HTR6: variants seen among roughly 807,000 people sequenced by gnomAD.
HTR6 encodes 5-hydroxytryptamine receptor 6.
In HTR6, 15 loss-of-function variants were observed where a neutral mutation model predicts 17.4. The ratio of observed to expected loss-of-function variants is 0.86; its 90% CI spans 0.58 to 1.33. HTR6 has a LOEUF of 1.33. Ranked by LOEUF, HTR6 falls within the 40% of genes most tolerant of loss-of-function variation. The pLI, the probability that HTR6 is intolerant of heterozygous loss-of-function variation, is 0.00. For missense variants in HTR6, 578 were observed against 616.0 expected (o/e 0.94, Z 0.65); for synonymous variants, 326 against 295.5 (o/e 1.10, Z -1.06).
In HTR6 at chr1:19,678,914, C is replaced by A. The variant is rs201812903; in HGVS notation, c.874-5C>A. On this transcript the variant is annotated splice_region_variant and splice_polypyrimidine_tract_variant and intron_variant, in intron 2 of 2. Coordinates refer to ENST00000289753, the MANE Select transcript of HTR6 (RefSeq NM_000871.3). ...GACCAGGCATGATGCATCCCCTCCC[C>A]CCAGGCCGTGTGCGACTGCATCTCC... is the stretch of plus-strand genomic sequence containing the variant. The A allele has an allele frequency of 7.7e-5, 123 of 1,589,790 alleles. No homozygotes were observed. The highest frequency in any genetic ancestry group is 2.9e-4 in the East Asian group (13 of 44,484).
Position 19,679,361 on chromosome 1 carries a change from C to A in HTR6, c.1316C>A (p.Thr439Lys), listed in dbSNP as rs61733142. Residue 439 changes from threonine (T) to lysine (K), a missense_variant, in exon 3 of 3, where the codon ACG becomes AAG. Thr to Lys is a moderately conservative substitution (Grantham distance 78). Coordinates refer to ENST00000289753, the MANE Select transcript of HTR6 (RefSeq NM_000871.3). The surrounding 1 kb of genome is among the most constrained non-coding windows in gnomAD (Gnocchi z 4.9). ...ELRPHPLGIP[T>K]N ...CGGCCGCATCCACTTGGCATCCCCA[C>A]GAACTGACCCGGGCTTGGGGCTGGC... 1.9e-6 allele frequency: 3 copies of A among 1,586,882 alleles called. No individual in the cohort carries two copies. The highest frequency in any genetic ancestry group is 1.7e-5 in the Admixed American group (1 of 58,964).
intron 1 of HTR6, among the ~76,000 whole-genome samples, chr1:19,673,753 C>T (rs2095091011): frequency 6.6e-6 from 1 of 152,014 alleles, no homozygotes; most frequent in Admixed American, 6.6e-5. Context: ...TACATAAATA[C>T]ACTTTAAAAA....
chr1:19,680,437 C>A lies in HTR6; in HGVS notation c.*1069C>A, dbSNP rs1334469412. On this transcript the variant is annotated 3_prime_UTR_variant, in exon 3 of 3. Coordinates refer to ENST00000289753, the MANE Select transcript of HTR6 (RefSeq NM_000871.3). Reference sequence around the variant, plus strand: ...TCCCAGCTCCCAAGCTGCTGCCCTGCCTTTCCTGGGGGCAAAAGGGGCAGG... The same window carrying A: ...TCCCAGCTCCCAAGCTGCTGCCCTGACTTTCCTGGGGGCAAAAGGGGCAGG... Among the ~76,000 whole-genome samples, 1 of 152,230 alleles carries A rather than the reference C, an allele frequency of 6.6e-6. No homozygotes were observed. The highest frequency in any genetic ancestry group is 1.5e-5 in the Non-Finnish European group (1 of 68,036).
In HTR6 at chr1:19,665,841, G is replaced by C; in HGVS notation, c.88G>C (p.Ala30Pro). 2.5e-6 allele frequency: 4 copies of C among 1,568,808 alleles called. No individual in the cohort carries two copies. The highest frequency in any genetic ancestry group is 3.5e-6 in the Non-Finnish European group (4 of 1,158,658). The change falls in exon 1 of 3, where the codon GCG (alanine) becomes CCG (proline). Residue 30 changes from alanine to proline, a missense_variant. By Grantham distance (27) the Ala-to-Pro change is conservative. Coordinates refer to ENST00000289753, the MANE Select transcript of HTR6 (RefSeq NM_000871.3). This position sits in a 1 kb window ranked among gnomAD's most constrained non-coding sequence, Gnocchi z 4.2. ...GGCCCCGGGGGGCAGCGGCTGGGTG[G>C]CGGCCGCGCTGTGCGTGGTCATCGC... ...PSAPGGSGWV[A>P]AALCVVIALT...
Position 19,679,357 on chromosome 1 carries a change from C to T in HTR6, c.1312C>T (p.Pro438Ser). ...GCTGCGGCCGCATCCACTTGGCATC[C>T]CCACGAACTGACCCGGGCTTGGGGC... ...PELRPHPLGI[P>S]TN Residue 438 changes from proline (P) to serine (S), a missense_variant, in exon 3 of 3, where the codon CCC (proline) becomes TCC (serine). By Grantham distance (74) the Pro-to-Ser change is moderately conservative (BLOSUM62 -1). Coordinates refer to ENST00000289753, the MANE Select transcript of HTR6 (RefSeq NM_000871.3). The surrounding 1 kb of genome is among the most constrained non-coding windows in gnomAD (Gnocchi z 4.9). 1 of 1,590,676 alleles carries T rather than the reference C, an allele frequency of 6.3e-7. No homozygotes were observed. The highest frequency in any genetic ancestry group is 8.6e-7 in the Non-Finnish European group (1 of 1,166,652).
At chr1:19,676,205 G>T (rs756937592) in intron 1 of HTR6, among the ~76,000 whole-genome samples, 1 of 152,182 alleles carries the variant, frequency 6.6e-6, no homozygotes, top group Non-Finnish European at 1.5e-5. Flanking sequence ...CTCTGTGCAT[G>T]CATTTATTAT....
At position 19,666,794 on chromosome 1, in the gene HTR6, A is replaced by G. The variant is rs1223058103; in HGVS notation, c.714+327A>G. Among the ~76,000 whole-genome samples, 2 of 151,724 alleles carry G rather than the reference A, an allele frequency of 1.3e-5. No homozygotes were observed. The highest frequency in any genetic ancestry group is 4.8e-5 in the African/African-American group (2 of 41,290). ...CGGCATCACATGCCAGGAACTTAGGAATACTTTTCTCCCTCACCCTCATGC... is the reference window on the plus strand; with the variant it reads ...CGGCATCACATGCCAGGAACTTAGGGATACTTTTCTCCCTCACCCTCATGC... On this transcript the variant is annotated intron_variant, in intron 1 of 2. Transcript: ENST00000289753. The surrounding 1 kb of genome is among the most constrained non-coding windows in gnomAD (Gnocchi z 4.5).
intron 1 of HTR6, among the ~76,000 whole-genome samples, chr1:19,670,902 G>T (rs1174850828): frequency 6.6e-6 from 1 of 152,156 alleles, no homozygotes; most frequent in Non-Finnish European, 1.5e-5. Flanking sequence ...TTGTGCGGTT[G>T]CCTGTTTTCT....
rs2095082233 is a variant in HTR6 at position 19,666,797 on chromosome 1, A to G, written c.714+330A>G. Among the ~76,000 whole-genome samples, 1 of 151,774 alleles carries G rather than the reference A, an allele frequency of 6.6e-6. No homozygotes were observed. Among genetic ancestry groups the G allele is most frequent in the Non-Finnish European group, 1.5e-5 (1 of 67,964 alleles). ...CATCACATGCCAGGAACTTAGGAAT[A>G]CTTTTCTCCCTCACCCTCATGCCAT... On this transcript the variant is annotated intron_variant, in intron 1 of 2. Transcript: ENST00000289753. This position sits in a 1 kb window ranked among gnomAD's most constrained non-coding sequence, Gnocchi z 4.5.
rs11801555 is a variant in HTR6 at position 19,680,103 on chromosome 1, G to A, written c.*735G>A. ...CTGACACGAGTTATTTAACCTCTCCGAGCCTCGGTTATCCCATGTGTAAGG... is the reference window on the plus strand; with the variant it reads ...CTGACACGAGTTATTTAACCTCTCCAAGCCTCGGTTATCCCATGTGTAAGG... On this transcript the variant is annotated 3_prime_UTR_variant, in exon 3 of 3. Coordinates refer to ENST00000289753, the MANE Select transcript of HTR6 (RefSeq NM_000871.3). Among the ~76,000 whole-genome samples the A allele has an allele frequency of 5.9e-3, 899 of 152,298 alleles. 6 individuals carry two copies. The highest frequency in any genetic ancestry group is 0.021 in the African/African-American group (871 of 41,548).
rs887205866 is a variant in HTR6, at chr1:19,679,106, G to A, written c.1061G>A (p.Arg354His). The change falls in exon 3 of 3, where the codon CGC becomes CAC. Residue 354 changes from arginine (R) to histidine (H), a missense_variant. Coordinates refer to ENST00000289753, the MANE Select transcript of HTR6 (RefSeq NM_000871.3). This position sits in a 1 kb window ranked among gnomAD's most constrained non-coding sequence, Gnocchi z 4.9. ...RQASLASPSL[R>H]TSHSGPRPGL... ...GCCAGCCTGGCCTCGCCATCACTGC[G>A]CACCTCTCACAGCGGCCCCCGGCCC... The A allele has an allele frequency of 6.2e-6, 10 of 1,612,948 alleles. No homozygotes were observed. Among genetic ancestry groups the A allele is most frequent in the East Asian group, 4.5e-5 (2 of 44,852 alleles).
chr1:19,676,153 G>A (rs949678095), intron 1 of HTR6, among the ~76,000 whole-genome samples: 1 of 152,158 alleles, frequency 6.6e-6, no homozygotes, highest in Non-Finnish European at 1.5e-5. Flanking sequence ...CACTGAAACA[G>A]CAACATGGCT....
At position 19,665,624 on chromosome 1, in the gene HTR6, C is replaced by T; in HGVS notation, c.-130C>T. The T allele has an allele frequency of 1.6e-6, 1 of 643,106 alleles. No homozygotes were observed. Among genetic ancestry groups the T allele is most frequent in the Non-Finnish European group, 2.6e-6 (1 of 384,444 alleles). 39.8% of individuals were successfully genotyped at this position (643,106 alleles called of 1,614,324 possible). ...GCCCCCGCCCATGTCCCCCCACTCA[C>T]CTCCCCCGGGGGGCGTGGTGAGTCG... On this transcript the variant is annotated 5_prime_UTR_variant, in exon 1 of 3. Coordinates refer to ENST00000289753, the MANE Select transcript of HTR6 (RefSeq NM_000871.3). The surrounding 1 kb of genome is among the most constrained non-coding windows in gnomAD (Gnocchi z 4.2).
intron 1 of HTR6, among the ~76,000 whole-genome samples, chr1:19,674,366 G>A (rs2095091744): frequency 6.7e-6 from 1 of 149,420 alleles, no homozygotes; most frequent in Non-Finnish European, 1.5e-5. Context: ...GTAGTATTCT[G>A]TAGTGGGAAT....
chr1:19,678,538 A>G (rs1183285763), intron 1 of HTR6, 29 bp from the exon 2 acceptor site: 2 of 1,611,924 alleles, frequency 1.2e-6, no homozygotes, highest in African/African-American at 1.3e-5. Flanking sequence ...CCCTTTCTCA[A>G]CGGACTCATG....
rs1330193399 is a variant in HTR6, at chr1:19,679,533, C to G, written c.*165C>G. 2 of 999,002 alleles carry G rather than the reference C, an allele frequency of 2.0e-6. No homozygotes were observed. Among genetic ancestry groups the G allele is most frequent in the Non-Finnish European group, 2.8e-6 (2 of 706,226 alleles). 61.9% of individuals were successfully genotyped at this position (999,002 alleles called of 1,614,324 possible). On this transcript the variant is annotated 3_prime_UTR_variant, in exon 3 of 3. Transcript: ENST00000289753. This position sits in a 1 kb window ranked among gnomAD's most constrained non-coding sequence, Gnocchi z 4.9. ...ACCCCCTGCTGCCATCTCCAGGCCC[C>G]TTACCTGCAGGGATCATAGCTGACT...
At chr1:19,669,102 C>T (rs968015032) in intron 1 of HTR6, among the ~76,000 whole-genome samples, 1 of 152,160 alleles carries the variant, frequency 6.6e-6, no homozygotes, top group Non-Finnish European at 1.5e-5. Flanking sequence ...ATCTCCATTC[C>T]CACAGTTCAG....
Position 19,665,534 on chromosome 1 carries a change from G to T in HTR6, c.-220G>T, listed in dbSNP as rs935010700. On this transcript the variant is annotated 5_prime_UTR_variant, in exon 1 of 3. In the 5' UTR this introduces an upstream ATG that the reference lacks. Coordinates refer to ENST00000289753, the MANE Select transcript of HTR6 (RefSeq NM_000871.3). The surrounding 1 kb of genome is among the most constrained non-coding windows in gnomAD (Gnocchi z 4.2). ...CCAGGAGTTCCTGCCCCATCCCCGA[G>T]GGCGCCCAAATAGCCACACTGTGTC... The T allele has an allele frequency of 1.3e-4, 59 of 447,688 alleles. No homozygotes were observed. The East Asian group carries it at 2.1e-3, about 16-fold the overall frequency. The allele number at this position is 447,688 out of a possible 1,614,324, so 27.7% of individuals were successfully genotyped here.
Position 19,665,650 on chromosome 1 carries a change from C to T in HTR6, c.-104C>T, listed in dbSNP as rs2095080413. The T allele has an allele frequency of 1.3e-6, 1 of 757,934 alleles. No homozygotes were observed. Among genetic ancestry groups the T allele is most frequent in the African/African-American group, 1.9e-5 (1 of 53,894 alleles). 47.0% of individuals were successfully genotyped at this position (757,934 alleles called of 1,614,324 possible). On this transcript the variant is annotated 5_prime_UTR_variant, in exon 1 of 3. Coordinates refer to ENST00000289753, the MANE Select transcript of HTR6 (RefSeq NM_000871.3). This position sits in a 1 kb window ranked among gnomAD's most constrained non-coding sequence, Gnocchi z 4.2. Reference sequence around the variant, plus strand: ...CTCCCCCGGGGGGCGTGGTGAGTCGCGGTCTGTTCTCACGGACGGTCCCCG... The same window carrying T: ...CTCCCCCGGGGGGCGTGGTGAGTCGTGGTCTGTTCTCACGGACGGTCCCCG...
Sources: gnomAD v4.1 joint callset for allele counts (sites outside exome capture counted in the v4.1 genomes callset) on GRCh38, gnomAD v4.1.1 for gene constraint, Gnocchi (gnomAD v3.1) non-coding constraint, MANE v1.5 for transcripts, NCBI Gene and HGNC (gene_info 2026-07-23, HGNC 2026-07-21) for gene names.